Variants in SP140L observed in about 807,000 individuals in gnomAD.
The protein encoded by SP140L is SP140 like nuclear body protein.
In SP140L, 64 loss-of-function variants were observed where a neutral mutation model predicts 84.3. The observed-to-expected ratio is 0.76, with a 90% confidence interval of 0.62 to 0.94. SP140L has a LOEUF of 0.94. Ranked by LOEUF, SP140L falls within the 40% of genes least tolerant of loss-of-function variation. The probability of loss-of-function intolerance (pLI) is 0.00; values close to 1 mark genes in which losing one functional copy is unlikely to be tolerated. For missense variants in SP140L, 628 were observed against 692.5 expected (o/e 0.91, Z 1.05); for synonymous variants, 242 against 236.9 (o/e 1.02, Z -0.20).
At chr2:230,367,295 C>CT (rs200306286) in intron 5 of SP140L, among the ~76,000 whole-genome samples, 35,506 of 117,428 alleles carry the variant, frequency 0.3, 6,465 homozygotes, top group East Asian at 0.53. Context: ...TCTTTTTTTT[C>CT]TTTTTTTTTT....
intron 4 of SP140L, among the ~76,000 whole-genome samples, chr2:230,361,137 A>G (rs897386905): frequency 1.3e-5 from 2 of 151,976 alleles, no homozygotes; most frequent in African/African-American, 2.4e-5. Context: ...TTTTTTTCAG[A>G]CACAAGGTCT....
chr2:230,367,748 A>G (rs2060934064), intron 5 of SP140L, among the ~76,000 whole-genome samples: 1 of 152,212 alleles, frequency 6.6e-6, no homozygotes, highest in South Asian at 2.1e-4. Context: ...CCTGGCCAAC[A>G]TGGTAAAACA....
intron 2 of SP140L, among the ~76,000 whole-genome samples, chr2:230,341,917 A>G (rs936347289): frequency 6.6e-6 from 1 of 152,094 alleles, no homozygotes; most frequent in Non-Finnish European, 1.5e-5. Flanking sequence ...GGGACATTTA[A>G]GTCTGCAGAG....
intron 2 of SP140L, among the ~76,000 whole-genome samples, chr2:230,339,432 C>G (rs1439994072): frequency 1.2e-3 from 180 of 151,348 alleles, no homozygotes; most frequent in African/African-American, 4.2e-3. Context: ...TTTTGTTGAT[C>G]CTTTCAAAAA....
At chr2:230,349,834 C>A (rs1343122602) in intron 2 of SP140L, among the ~76,000 whole-genome samples, 3 of 152,022 alleles carry the variant, frequency 2.0e-5, no homozygotes, top group African/African-American at 7.2e-5. Context: ...CATGGCAAAA[C>A]CCCGTCTCTA....
intron 6 of SP140L, among the ~76,000 whole-genome samples, 153 bp downstream of exon 6, chr2:230,371,120 A>G (rs2061054553): frequency 6.6e-6 from 1 of 152,228 alleles, no homozygotes; most frequent in African/African-American, 2.4e-5. Context: ...GCAAGAGATC[A>G]TTATAAAGTT....
chr2:230,383,691 G>C (rs146919264), intron 8 of SP140L, 116 bp downstream of exon 8: 1 of 978,640 alleles, frequency 1.0e-6, no homozygotes, highest in African/African-American at 1.6e-5. Context: ...TCCTGTATCC[G>C]TTAGGATGTA....
Position 230,370,948 on chromosome 2 carries a change from C to CCAAG in SP140L, c.567_570dup (p.Cys191SerfsTer46), listed in dbSNP as rs769270987. 26 of 1,613,636 alleles carry CCAAG rather than the reference C, an allele frequency of 1.6e-5. No individual in the cohort carries two copies. The highest frequency in any genetic ancestry group is 2.2e-5 in the Non-Finnish European group (26 of 1,179,844). ...GCCCGGAAGCAAGGAAGGAAAGTGACCAAGCATGTGGCAAAATGGGTAAGG... is the reference window on the plus strand; with the variant it reads ...GCCCGGAAGCAAGGAAGGAAAGTGACCAAGCAAGCATGTGGCAAAATGGGTAAGG... On this transcript the variant is annotated frameshift_variant, in exon 6 of 19. Transcript: ENST00000415673. LOFTEE classifies it high-confidence loss of function.
chr2:230,327,318 C>G lies in SP140L; in HGVS notation c.32+17C>G. The G allele has an allele frequency of 6.2e-7, 1 of 1,608,082 alleles. No individual in the cohort carries two copies. Among genetic ancestry groups the G allele is most frequent in the East Asian group, 2.2e-5 (1 of 44,656 alleles). ...GAGCACCAGGTGAGTCTTTATCTCT[C>G]TTCCTTTCACCTTTATCTCTGGCAG... On this transcript the variant is annotated intron_variant, in intron 1 of 18. Coordinates refer to ENST00000415673, the MANE Select transcript of SP140L (RefSeq NM_138402.6).
chr2:230,347,492 C>T (rs912852587), intron 2 of SP140L, among the ~76,000 whole-genome samples: 3 of 152,106 alleles, frequency 2.0e-5, no homozygotes, highest in Non-Finnish European at 4.4e-5. Flanking sequence ...TCTCTGGAAT[C>T]CCTGGTTAGG....
chr2:230,379,008 T>G (rs2061329114), intron 7 of SP140L, among the ~76,000 whole-genome samples: 1 of 152,216 alleles, frequency 6.6e-6, no homozygotes, highest in South Asian at 2.1e-4. Flanking sequence ...TATACAGCAT[T>G]CTGCTTTATC....
chr2:230,399,522 A>G (rs11675127), intron 14 of SP140L, among the ~76,000 whole-genome samples: 35,008 of 152,048 alleles, frequency 0.23, 4,846 homozygotes, highest in Non-Finnish European at 0.31. Flanking sequence ...TTCTGCCAGG[A>G]TCCCAGAGCC....
intron 5 of SP140L, among the ~76,000 whole-genome samples, chr2:230,365,386 GA>G (rs1269545377): frequency 2.6e-5 from 4 of 151,922 alleles, no homozygotes; most frequent in Admixed American, 2.6e-4. Context: ...ATCTGTCTAG[GA>G]ATTTACCCAT....
chr2:230,349,920 A>G (rs1405619748), intron 2 of SP140L, among the ~76,000 whole-genome samples: 1 of 152,122 alleles, frequency 6.6e-6, no homozygotes, highest in Non-Finnish European at 1.5e-5. Context: ...GAGGCAGGAG[A>G]ATTGCTTGAA....
At chr2:230,341,820 G>T (rs995468641) in intron 2 of SP140L, among the ~76,000 whole-genome samples, 1 of 152,066 alleles carries the variant, frequency 6.6e-6, no homozygotes, top group African/African-American at 2.4e-5. Flanking sequence ...CAGGGGTCAG[G>T]GACCCACTTG....
chr2:230,385,425 A>T, intron 9 of SP140L, 121 bp downstream of exon 9: 1 of 887,190 alleles, frequency 1.1e-6, no homozygotes, highest in Non-Finnish European at 1.7e-6. Context: ...AGAGCAGTGA[A>T]ATCTAAAAAA....
intron 14 of SP140L, 161 bp from the exon 15 acceptor site, chr2:230,399,966 G>A (rs929926192): frequency 1.1e-5 from 7 of 643,988 alleles, no homozygotes; most frequent in African/African-American, 7.3e-5. Context: ...ACCAGGATTT[G>A]TTCTGAAATC....
intron 5 of SP140L, among the ~76,000 whole-genome samples, chr2:230,370,050 G>A (rs1176895597): frequency 6.6e-6 from 1 of 152,170 alleles, no homozygotes; most frequent in Non-Finnish European, 1.5e-5. Flanking sequence ...GGGATTACAG[G>A]CATGAGCCAC....
chr2:230,367,823 T>A (rs953152000), intron 5 of SP140L, among the ~76,000 whole-genome samples: 2 of 150,318 alleles, frequency 1.3e-5, no homozygotes, highest in Admixed American at 6.6e-5. Flanking sequence ...CCCCAGCTAC[T>A]GGGAAGGCTG....
Sources: gnomAD v4.1 joint callset for allele counts (sites outside exome capture counted in the v4.1 genomes callset) on GRCh38, gnomAD v4.1.1 for gene constraint, MANE v1.5 for transcripts, NCBI Gene and HGNC (gene_info 2026-07-23, HGNC 2026-07-21) for gene names.